Variants in KANK1 observed in about 807,000 individuals in gnomAD.
KANK1 encodes KN motif and ankyrin repeat domain-containing protein 1.
In KANK1, 109 loss-of-function variants were observed where a neutral mutation model predicts 106.2. The observed-to-expected ratio is 1.03, with a 90% CI of 0.88 to 1.20. KANK1 has a LOEUF of 1.20. Ranked by LOEUF, KANK1 falls within the 50% of genes most tolerant of loss-of-function variation. KANK1 has a pLI of 0.00. For synonymous variants in KANK1, 873 were observed against 652.2 expected (o/e 1.34, Z -5.16); for missense variants, 2,399 against 1,710.7 (o/e 1.40, Z -7.10).
At chr9:603,965 A>AC (rs1828435924) in intron 1 of KANK1, among the ~76,000 whole-genome samples, 1 of 150,978 alleles carries the variant, frequency 6.6e-6, no homozygotes, top group Non-Finnish European at 1.5e-5. Flanking sequence ...TCTCAAAAAA[A>AC]AAAAAAAAAA....
intron 2 of KANK1, among the ~76,000 whole-genome samples, chr9:704,086 T>G (rs1389068278): frequency 6.6e-6 from 1 of 152,226 alleles, no homozygotes; most frequent in Non-Finnish European, 1.5e-5. Context: ...CTTTTCCAGT[T>G]AATAATTTAG....
At chr9:652,838 T>G (rs896637094) in intron 1 of KANK1, among the ~76,000 whole-genome samples, 2 of 152,184 alleles carry the variant, frequency 1.3e-5, no homozygotes, top group African/African-American at 4.8e-5. Flanking sequence ...GTTGAATATT[T>G]AGTACTAGTA....
intron 1 of KANK1, among the ~76,000 whole-genome samples, chr9:618,438 C>G (rs1193497474): frequency 2.0e-5 from 3 of 152,196 alleles, no homozygotes; most frequent in East Asian, 1.9e-4. Flanking sequence ...AAACTCCTGA[C>G]CTGAAGTGAT....
intron 1 of KANK1, among the ~76,000 whole-genome samples, chr9:508,524 A>G (rs1292794132): frequency 1.3e-5 from 2 of 152,196 alleles, no homozygotes; most frequent in African/African-American, 4.8e-5. Flanking sequence ...AAGAACCAAA[A>G]TATTGCCAGC....
At chr9:638,029 G>A (rs1019458096) in intron 1 of KANK1, among the ~76,000 whole-genome samples, 1 of 152,120 alleles carries the variant, frequency 6.6e-6, no homozygotes, top group Non-Finnish European at 1.5e-5. Context: ...GAAGTGCCAG[G>A]CATCACATCC....
chr9:640,864 T>C (rs1183013580), intron 1 of KANK1, among the ~76,000 whole-genome samples: 4 of 151,854 alleles, frequency 2.6e-5, no homozygotes, highest in African/African-American at 9.7e-5. Context: ...GCCCAGCTAA[T>C]TTTTTGTATT....
chr9:628,783 A>G (rs1208672823), intron 1 of KANK1, among the ~76,000 whole-genome samples: 1 of 152,086 alleles, frequency 6.6e-6, no homozygotes, highest in Non-Finnish European at 1.5e-5. Context: ...ATACCTGTTC[A>G]GTTTACCATC....
chr9:490,163 G>C (rs1434238126), intron 3 of KANK1, among the ~76,000 whole-genome samples: 1 of 152,160 alleles, frequency 6.6e-6, no homozygotes, highest in Non-Finnish European at 1.5e-5. Context: ...TCTTCTTCTA[G>C]AGTTTTAGTT....
intron 1 of KANK1, among the ~76,000 whole-genome samples, chr9:608,190 ACCGC>A (rs1278634605): frequency 1.3e-5 from 2 of 149,362 alleles, no homozygotes; most frequent in African/African-American, 5.0e-5. Flanking sequence ...GGCGCCCGCC[ACCGC>A]GCCCGGCTAA....
chr9:622,206 T>C (rs1833305169), intron 1 of KANK1, among the ~76,000 whole-genome samples: 1 of 152,202 alleles, frequency 6.6e-6, no homozygotes, highest in Non-Finnish European at 1.5e-5. Flanking sequence ...TAATGACTTC[T>C]ACTTTTAGTA....
At chr9:729,867 C>T (rs1015008027) in intron 3 of KANK1, among the ~76,000 whole-genome samples, 184 bp from the exon 4 acceptor site, 1 of 152,118 alleles carries the variant, frequency 6.6e-6, no homozygotes, top group Non-Finnish European at 1.5e-5. Context: ...GTTAGAATGA[C>T]GAGGCCCGGC....
At chr9:615,181 C>T (rs1831507949) in intron 1 of KANK1, among the ~76,000 whole-genome samples, 1 of 152,188 alleles carries the variant, frequency 6.6e-6, no homozygotes, top group Admixed American at 6.5e-5. Context: ...GCAAGTCCTC[C>T]TGCATTGGCC....
At chr9:649,734 A>T (rs375611345) in intron 1 of KANK1, among the ~76,000 whole-genome samples, 1 of 152,128 alleles carries the variant, frequency 6.6e-6, no homozygotes, top group East Asian at 1.9e-4. Context: ...ACTGTGAGCT[A>T]TGTGTTAAGC....
At chr9:714,010 G>A (rs933178459) in intron 3 of KANK1, among the ~76,000 whole-genome samples, 2 of 152,128 alleles carry the variant, frequency 1.3e-5, no homozygotes, top group African/African-American at 2.4e-5. Flanking sequence ...AGGCTGAGGC[G>A]GGAGGATTGC....
chr9:528,971 T>C (rs1413863880), intron 1 of KANK1, among the ~76,000 whole-genome samples: 4 of 151,860 alleles, frequency 2.6e-5, no homozygotes, highest in African/African-American at 9.7e-5. Context: ...AGCTAATTTA[T>C]TATTTGTTGT....
chr9:510,887 C>T (rs1237143559), intron 1 of KANK1, among the ~76,000 whole-genome samples: 2 of 152,142 alleles, frequency 1.3e-5, no homozygotes, highest in African/African-American at 2.4e-5. Flanking sequence ...GTGATAATTT[C>T]TCTAAGATGA....
chr9:545,460 C>T lies in KANK1; in HGVS notation c.-84+40706C>T, dbSNP rs532727923. Reference sequence around the variant, plus strand: ...ACTGCAGCGGATGAGGTGATAAGATCACCTAGTTAGAGGTGGGGGAGCAGA... The same window carrying T: ...ACTGCAGCGGATGAGGTGATAAGATTACCTAGTTAGAGGTGGGGGAGCAGA... On this transcript the variant is annotated intron_variant, in intron 1 of 11. Transcript: ENST00000382297. Among the ~76,000 whole-genome samples, 7 of 152,202 alleles carry T rather than the reference C, an allele frequency of 4.6e-5. No homozygotes were observed. In the East Asian group the frequency reaches 1.2e-3, roughly 25 times the overall value.
intron 1 of KANK1, among the ~76,000 whole-genome samples, chr9:523,306 A>G (rs1464878032): frequency 6.6e-6 from 1 of 151,466 alleles, no homozygotes; most frequent in African/African-American, 2.4e-5. Flanking sequence ...CCCCTATCTC[A>G]TACACCCTAC....
At chr9:696,604 A>T (rs1358818880) in intron 2 of KANK1, among the ~76,000 whole-genome samples, 1 of 152,076 alleles carries the variant, frequency 6.6e-6, no homozygotes, top group African/African-American at 2.4e-5. Flanking sequence ...AAAATTTCTC[A>T]GTACGTTGAG....
Sources: gnomAD v4.1 joint callset for allele counts (sites outside exome capture counted in the v4.1 genomes callset) on GRCh38, gnomAD v4.1.1 for gene constraint, MANE v1.5 for transcripts, NCBI Gene and HGNC (gene_info 2026-07-23, HGNC 2026-07-21) for gene names.